CASTOR2: variants seen among roughly 807,000 people sequenced by gnomAD.
CASTOR2 encodes GATS protein like 2.
A neutral mutation model predicts 31.2 loss-of-function variants in CASTOR2; 8 were observed. That is an observed-to-expected ratio of 0.26 (90% CI 0.15 to 0.46). CASTOR2 has a LOEUF of 0.46. Among genes scored for constraint, CASTOR2 ranks in the 20% least tolerant of loss-of-function variants. The pLI is 0.99. For missense variants in CASTOR2, 216 were observed against 382.1 expected (o/e 0.57, Z 3.62); for synonymous variants, 162 against 158.7 (o/e 1.02, Z -0.16).
In CASTOR2 at chr7:75,017,173, G is replaced by T. The variant is rs1393950402; in HGVS notation, c.185-425G>T. ...TCAAAAAACAATCCCATCCGGCTGG[G>T]TGCGGTGGCTCACGCCTGTAATCCC... On this transcript the variant is annotated intron_variant, in intron 2 of 8. Transcript: ENST00000616305. 2.0e-5 allele frequency among the ~76,000 whole-genome samples: 3 copies of T among 152,230 alleles called. No individual in the cohort carries two copies. In the East Asian group the frequency reaches 5.8e-4, roughly 29 times the overall value.
At chr7:74,977,044 T>C (rs1554435795) in intron 1 of CASTOR2, among the ~76,000 whole-genome samples, 3 of 150,806 alleles carry the variant, frequency 2.0e-5, no homozygotes, top group African/African-American at 7.4e-5. Context: ...AATTAGCTGA[T>C]GTGGTGGTGG....
At chr7:74,990,319 T>G (rs1584464279) in intron 1 of CASTOR2, among the ~76,000 whole-genome samples, 1 of 143,420 alleles carries the variant, frequency 7.0e-6, no homozygotes. Context: ...ACCCGGGAGG[T>G]GGAGCTTGCA....
chr7:74,988,576 C>T (rs1302826928), intron 1 of CASTOR2, among the ~76,000 whole-genome samples: 2 of 152,216 alleles, frequency 1.3e-5, no homozygotes, highest in Non-Finnish European at 2.9e-5. Flanking sequence ...GGATTACAGG[C>T]GTGAGCCACC....
At chr7:74,994,869 C>T (rs1353663202) in intron 1 of CASTOR2, among the ~76,000 whole-genome samples, 1 of 151,982 alleles carries the variant, frequency 6.6e-6, no homozygotes, top group East Asian at 1.9e-4. Flanking sequence ...CATCTGGGGA[C>T]AGGGTGTAAT....
At chr7:75,005,315 G>A (rs1804583058) in intron 1 of CASTOR2, among the ~76,000 whole-genome samples, 3 of 152,124 alleles carry the variant, frequency 2.0e-5, no homozygotes, top group Non-Finnish European at 4.4e-5. Context: ...GGCCTCTCCA[G>A]AATGTCATAT....
At position 75,024,625 on chromosome 7, in the gene CASTOR2, C is replaced by A. The variant is rs1805078627; in HGVS notation, c.925-9C>A. ...CGGGCAGGCATCTGCCTCCTCTACC[C>A]CTGCACAGGTCCCCGAAGAGAACAT... On this transcript the variant is annotated splice_polypyrimidine_tract_variant and intron_variant, in intron 8 of 8. Transcript: ENST00000616305. 1.3e-6 allele frequency: 2 copies of A among 1,551,614 alleles called. No individual in the cohort carries two copies. The highest frequency in any genetic ancestry group is 4.9e-5 in the East Asian group (2 of 40,916).
intron 1 of CASTOR2, among the ~76,000 whole-genome samples, chr7:74,975,249 T>C (rs1470489057): frequency 6.6e-6 from 1 of 151,544 alleles, no homozygotes; most frequent in African/African-American, 2.4e-5. Context: ...ATTACAGGCA[T>C]GAGCACTGCG....
At chr7:75,006,659 G>A (rs1804612328) in intron 1 of CASTOR2, among the ~76,000 whole-genome samples, 2 of 152,184 alleles carry the variant, frequency 1.3e-5, no homozygotes, top group South Asian at 4.2e-4. Context: ...TCAAGGGTGG[G>A]GGCAGGTGGA....
At chr7:74,990,382 CAAA>C (rs1229476692) in intron 1 of CASTOR2, among the ~76,000 whole-genome samples, 1 of 140,330 alleles carries the variant, frequency 7.1e-6, no homozygotes, top group Non-Finnish European at 1.5e-5. Flanking sequence ...GACTCTATCT[CAAA>C]AAAAAAAAAC....
At chr7:75,007,930 G>A in intron 1 of CASTOR2, 64 bp from the exon 2 acceptor site, 1 of 1,609,130 alleles carries the variant, frequency 6.2e-7, no homozygotes. Context: ...GGGCACGGGT[G>A]GGCAGCTGCC....
chr7:75,023,544 G>T (rs920904064), intron 7 of CASTOR2, among the ~76,000 whole-genome samples: 1 of 148,004 alleles, frequency 6.8e-6, no homozygotes, highest in Non-Finnish European at 1.5e-5. Context: ...CGCAGTCTTC[G>T]CCTCCTGGGT....
At chr7:74,997,259 C>T (rs1407397148) in intron 1 of CASTOR2, among the ~76,000 whole-genome samples, 3 of 151,898 alleles carry the variant, frequency 2.0e-5, no homozygotes, top group East Asian at 1.9e-4. Context: ...GACAGGATCT[C>T]ACTGTGTTGC....
At chr7:75,023,259 G>A (rs1805047794) in intron 7 of CASTOR2, among the ~76,000 whole-genome samples, 1 of 152,046 alleles carries the variant, frequency 6.6e-6, no homozygotes, top group Non-Finnish European at 1.5e-5. Flanking sequence ...AGCAAGCCGA[G>A]ATGGCGCCAC....
chr7:75,021,919 G>A lies in CASTOR2; in HGVS notation c.792G>A (p.Trp264Ter). ...TCACAAGCGCATCCGGAGAGCTCTG[G>A]AAGATGGTCCGGATTGGAGGACAGC... ...LLFTSASGEL[W>*]KMVRIGGQPL... Residue 264 changes from tryptophan (W) to a stop codon, truncating the protein, a stop_gained, in exon 7 of 9, where the codon TGG (tryptophan) becomes TGA (stop). Coordinates refer to ENST00000616305, the MANE Select transcript of CASTOR2 (RefSeq NM_001145064.3). LOFTEE classifies it high-confidence loss of function. The A allele has an allele frequency of 6.4e-7, 1 of 1,551,844 alleles. No homozygotes were observed. The highest frequency in any genetic ancestry group is 8.7e-7 in the Non-Finnish European group (1 of 1,146,900).
chr7:75,020,831 C>T (rs1203215983), intron 6 of CASTOR2, among the ~76,000 whole-genome samples: 6 of 151,980 alleles, frequency 3.9e-5, no homozygotes, highest in African/African-American at 1.4e-4. Context: ...GGATCTCTCT[C>T]TGTCACCCAT....
At chr7:75,017,116 C>T (rs1466690849) in intron 2 of CASTOR2, among the ~76,000 whole-genome samples, 2 of 152,190 alleles carry the variant, frequency 1.3e-5, no homozygotes, top group African/African-American at 4.8e-5. Flanking sequence ...CGCGCCACTG[C>T]ACTCCAGCCT....
intron 1 of CASTOR2, among the ~76,000 whole-genome samples, chr7:75,004,327 T>G (rs1707493879): frequency 6.6e-6 from 1 of 152,230 alleles, no homozygotes; most frequent in Admixed American, 6.5e-5. Flanking sequence ...AGGCAGGGAC[T>G]GAGACGTAAT....
intron 1 of CASTOR2, among the ~76,000 whole-genome samples, chr7:74,986,500 A>AAAAAG (rs1434760919): frequency 1.6e-4 from 25 of 151,806 alleles, no homozygotes; most frequent in Admixed American, 7.2e-4. Flanking sequence ...AAAAAAAAAA[A>AAAAAG]AAAAGAAAAG....
intron 2 of CASTOR2, among the ~76,000 whole-genome samples, chr7:75,014,350 G>T (rs1584475225): frequency 1.4e-5 from 2 of 143,692 alleles, no homozygotes; most frequent in African/African-American, 5.3e-5. Flanking sequence ...GAGGCGGGCA[G>T]ATCACTTGAG....
Sources: gnomAD v4.1 joint callset for allele counts (sites outside exome capture counted in the v4.1 genomes callset) on GRCh38, gnomAD v4.1.1 for gene constraint, MANE v1.5 for transcripts, NCBI Gene and HGNC (gene_info 2026-07-23, HGNC 2026-07-21) for gene names.